Variants in NEK6 observed in about 807,000 individuals in gnomAD.
NEK6 encodes the protein serine/threonine-protein kinase Nek6.
NEK6 carries 27 observed loss-of-function variants against 43.5 expected under a neutral mutation model. The observed-to-expected ratio is 0.62, with a 90% CI of 0.46 to 0.86. The LOEUF is 0.86. NEK6 is among the 40% of genes least tolerant of loss of function. NEK6 has a pLI of 0.00. For synonymous variants in NEK6, 167 were observed against 164.1 expected (o/e 1.02, Z -0.14); for missense variants, 318 against 414.4 (o/e 0.77, Z 2.02).
At chr9:124,289,234 C>T (rs958020631) in intron 1 of NEK6, among the ~76,000 whole-genome samples, 1 of 128,940 alleles carries the variant, frequency 7.8e-6, no homozygotes, top group South Asian at 2.7e-4. Context: ...CACACACACA[C>T]ACACTCCATC....
chr9:124,264,575 C>A (rs113040648), intron 1 of NEK6, among the ~76,000 whole-genome samples: 1 of 152,002 alleles, frequency 6.6e-6, no homozygotes, highest in Non-Finnish European at 1.5e-5. Flanking sequence ...GAGGCCGAGG[C>A]GGGCAGATCA....
intron 1 of NEK6, among the ~76,000 whole-genome samples, chr9:124,298,886 C>A (rs1832825566): frequency 6.6e-6 from 1 of 152,148 alleles, no homozygotes; most frequent in African/African-American, 2.4e-5. Context: ...ATGATCAGGG[C>A]CCTGCAATTA....
chr9:124,304,249 G>A (rs1220964873), intron 2 of NEK6, among the ~76,000 whole-genome samples: 1 of 152,232 alleles, frequency 6.6e-6, no homozygotes, highest in African/African-American at 2.4e-5. Context: ...CATCCCAGCC[G>A]TGTCTCGCCT....
intron 7 of NEK6, among the ~76,000 whole-genome samples, chr9:124,332,693 C>A (rs550145480): frequency 2.0e-5 from 3 of 152,226 alleles, no homozygotes; most frequent in Admixed American, 1.3e-4. Flanking sequence ...GAACATGTTT[C>A]AAACACCGAG....
intron 1 of NEK6, among the ~76,000 whole-genome samples, chr9:124,259,072 C>T (rs949835134): frequency 6.6e-6 from 1 of 152,212 alleles, no homozygotes; most frequent in Non-Finnish European, 1.5e-5. Flanking sequence ...AAGTGTGAAT[C>T]CCAGGACAGT....
rs1046108507 is a variant in NEK6 at position 124,343,884 on chromosome 9, T to C, written c.718-3825T>C. ...CCTGTGCTCATCCCTGTGGCTGCAG[T>C]GACAGATGCCACCACGCCGATGGCT... On this transcript the variant is annotated intron_variant, in intron 8 of 9. Coordinates refer to ENST00000320246, the MANE Select transcript of NEK6 (RefSeq NM_014397.6). The surrounding 1 kb of genome is among the most constrained non-coding windows in gnomAD (Gnocchi z 5.1). Among the ~76,000 whole-genome samples, 2 of 152,186 alleles carry C rather than the reference T, an allele frequency of 1.3e-5. No individual in the cohort carries two copies. Among genetic ancestry groups the C allele is most frequent in the Non-Finnish European group, 2.9e-5 (2 of 68,024 alleles).
intron 1 of NEK6, among the ~76,000 whole-genome samples, chr9:124,287,771 G>A (rs2119025721): frequency 6.6e-6 from 1 of 152,220 alleles, no homozygotes; most frequent in Non-Finnish European, 1.5e-5. Flanking sequence ...GTTACAGTGA[G>A]CCAAGATTGC....
At chr9:124,284,483 A>G (rs1832064412) in intron 1 of NEK6, among the ~76,000 whole-genome samples, 1 of 152,240 alleles carries the variant, frequency 6.6e-6, no homozygotes, top group Admixed American at 6.5e-5. Flanking sequence ...GGCAGCGACC[A>G]CGCACACGTT....
chr9:124,297,884 C>T (rs1207283497), intron 1 of NEK6, among the ~76,000 whole-genome samples: 1 of 152,206 alleles, frequency 6.6e-6, no homozygotes, highest in Non-Finnish European at 1.5e-5. Flanking sequence ...TGCATCTGAA[C>T]CCCCTAAGAA....
In NEK6 at chr9:124,290,382, G is replaced by A. The variant is rs556489476; in HGVS notation, c.-29-11554G>A. 5.3e-5 allele frequency among the ~76,000 whole-genome samples: 8 copies of A among 152,340 alleles called. No individual in the cohort carries two copies. The South Asian group carries it at 8.3e-4, about 16-fold the overall frequency. On this transcript the variant is annotated intron_variant, in intron 1 of 9. Coordinates refer to ENST00000320246, the MANE Select transcript of NEK6 (RefSeq NM_014397.6). ...GATGGCTGGCCTGGGCCCAGCCTCC[G>A]CCCCCAAGGGTGCTGGCACCTGGCA...
chr9:124,347,560 C>T (rs966369153), intron 8 of NEK6, 149 bp from the exon 9 acceptor site: 3 of 533,488 alleles, frequency 5.6e-6, no homozygotes, highest in Non-Finnish European at 1.0e-5. Flanking sequence ...CCAGCATGCT[C>T]GGTGATTCGG....
rs911296703 is a variant in NEK6, at chr9:124,326,988, C to T, written c.515-350C>T. On this transcript the variant is annotated intron_variant, in intron 6 of 9. Coordinates refer to ENST00000320246, the MANE Select transcript of NEK6 (RefSeq NM_014397.6). The surrounding 1 kb of genome is among the most constrained non-coding windows in gnomAD (Gnocchi z 4.5). ...GCACTGGGTGCTCCACTGAGCACTCCGTTCATTCATTACGCAGATTTTCCC... is the reference window on the plus strand; with the variant it reads ...GCACTGGGTGCTCCACTGAGCACTCTGTTCATTCATTACGCAGATTTTCCC... 1.3e-5 allele frequency among the ~76,000 whole-genome samples: 2 copies of T among 152,118 alleles called. No homozygotes were observed. Among genetic ancestry groups the T allele is most frequent in the Admixed American group, 6.5e-5 (1 of 15,278 alleles).
At chr9:124,334,272 G>A (rs530295797) in intron 7 of NEK6, among the ~76,000 whole-genome samples, 26 of 152,322 alleles carry the variant, frequency 1.7e-4, no homozygotes, top group Non-Finnish European at 2.9e-4. Context: ...ATGAATGAAT[G>A]GGGGTTGGAT....
At chr9:124,268,514 C>G (rs561110223) in intron 1 of NEK6, among the ~76,000 whole-genome samples, 10 of 152,298 alleles carry the variant, frequency 6.6e-5, no homozygotes, top group African/African-American at 2.4e-4. Flanking sequence ...CATGGAGATG[C>G]AGAAATGCAA....
In NEK6 at chr9:124,326,211, C is replaced by CCCCCCCCCCCCCCCCCCCCCCCA; in HGVS notation, c.406-117_406-116insCCCCCCCCCCCCCCCCCCCCACC. The CCCCCCCCCCCCCCCCCCCCCCCA allele has an allele frequency of 5.0e-6, 1 of 198,036 alleles. No homozygotes were observed. Among genetic ancestry groups the CCCCCCCCCCCCCCCCCCCCCCCA allele is most frequent in the Non-Finnish European group, 1.3e-5 (1 of 78,816 alleles). 12.3% of individuals were successfully genotyped at this position (198,036 alleles called of 1,614,324 possible). On this transcript the variant is annotated intron_variant, in intron 5 of 9. Coordinates refer to ENST00000320246, the MANE Select transcript of NEK6 (RefSeq NM_014397.6). The surrounding 1 kb of genome is among the most constrained non-coding windows in gnomAD (Gnocchi z 4.5). ...TTGCTCAGTGGCTCAATCCCCCCCC[C>CCCCCCCCCCCCCCCCCCCCCCCA]CCGCCCCTGCCAGGCACCAGTTACC...
chr9:124,294,606 A>G (rs1026844603), intron 1 of NEK6, among the ~76,000 whole-genome samples: 1 of 152,018 alleles, frequency 6.6e-6, no homozygotes, highest in Non-Finnish European at 1.5e-5. Flanking sequence ...AGGCTGGTGC[A>G]TGGAATGACA....
rs1451744753 is a variant in NEK6 at position 124,350,943 on chromosome 9, C to T, written c.938C>T (p.Thr313Ile). 3 of 1,606,446 alleles carry T rather than the reference C, an allele frequency of 1.9e-6. No individual in the cohort carries two copies. The highest frequency in any genetic ancestry group is 2.2e-5 in the East Asian group (1 of 44,876). Residue 313 changes from threonine (T) to isoleucine (I), a missense_variant, in exon 10 of 10, where the codon ACC (threonine) becomes ATC (isoleucine). Physicochemically the swap from Thr to Ile is moderately conservative, Grantham distance 89. This residue lies in a region of NEK6 where 79 missense variants were observed against 70.0 expected (regional missense o/e 1.13). Transcript: ENST00000320246. ...AKQMHIWMSS[T>I] is the part of the protein sequence containing the mutation. ...CAGATGCACATCTGGATGTCCAGCA[C>T]CTGAGCGTGGATGCACCGTGCCTTA...
intron 1 of NEK6, among the ~76,000 whole-genome samples, chr9:124,298,225 C>T (rs1420326825): frequency 6.6e-6 from 1 of 151,838 alleles, no homozygotes; most frequent in African/African-American, 2.4e-5. Flanking sequence ...TTCCCCCTCG[C>T]GCCTCCCCAC....
chr9:124,331,034 A>G (rs989563478), intron 7 of NEK6, among the ~76,000 whole-genome samples: 6 of 152,134 alleles, frequency 3.9e-5, no homozygotes, highest in Admixed American at 1.3e-4. Context: ...AAGCCGAGGC[A>G]GTCAGATCAC....
Sources: allele counts gnomAD v4.1 joint callset (sites outside exome capture counted in the v4.1 genomes callset), GRCh38; gene constraint gnomAD v4.1.1; regional missense constraint gnomAD v4.1.1; non-coding constraint Gnocchi (gnomAD v3.1); transcripts MANE v1.5; gene names NCBI Gene and HGNC (gene_info 2026-07-23, HGNC 2026-07-21).